The following POGLUT3 variants were observed in gnomAD, a reference collection of about 807,000 sequenced individuals.
POGLUT3 encodes protein O-glucosyltransferase 3.
POGLUT3 carries 48 observed loss-of-function variants against 54.3 expected under a neutral mutation model. The observed-to-expected ratio is 0.88, with a 90% CI of 0.70 to 1.12. POGLUT3 has a LOEUF of 1.12. Among genes scored for constraint, POGLUT3 ranks in the 50% most tolerant of loss-of-function variants. The pLI, the probability that POGLUT3 is intolerant of heterozygous loss-of-function variation, is 0.00. For synonymous variants in POGLUT3, 218 were observed against 237.4 expected (o/e 0.92, Z 0.75); for missense variants, 629 against 618.7 (o/e 1.02, Z -0.18).
At chr11:108,495,514 T>G (rs550964238) in intron 1 of POGLUT3, among the ~76,000 whole-genome samples, 31 of 152,140 alleles carry the variant, frequency 2.0e-4, no homozygotes, top group Non-Finnish European at 3.1e-4. Flanking sequence ...TGGAAGTGAA[T>G]GTTGGTGGCA....
chr11:108,479,612 T>C (rs1227729399), intron 5 of POGLUT3, 117 bp from the exon 6 acceptor site: 1 of 650,488 alleles, frequency 1.5e-6, no homozygotes, highest in African/African-American at 1.9e-5. Context: ...TCCAACTTTT[T>C]TGTGTTTAAA....
At chr11:108,484,775 A>G (rs1170064855) in intron 3 of POGLUT3, among the ~76,000 whole-genome samples, 3 of 151,932 alleles carry the variant, frequency 2.0e-5, no homozygotes, top group African/African-American at 7.3e-5. Flanking sequence ...AAACAAACAA[A>G]CAAACAAAAA....
chr11:108,485,755 T>C (rs1050609264), intron 3 of POGLUT3, among the ~76,000 whole-genome samples: 2 of 152,000 alleles, frequency 1.3e-5, no homozygotes, highest in African/African-American at 4.8e-5. Flanking sequence ...CCTCCTGGGT[T>C]CAAGGGATTC....
In POGLUT3 at chr11:108,491,004, A is replaced by C; in HGVS notation, c.366T>G (p.Asp122Glu). 1 of 1,614,080 alleles carries C rather than the reference A, an allele frequency of 6.2e-7. No individual in the cohort carries two copies. Among genetic ancestry groups the C allele is most frequent in the Non-Finnish European group, 8.5e-7 (1 of 1,179,952 alleles). Residue 122 changes from aspartate to glutamate, a missense_variant, in exon 2 of 8, where the codon GAT (aspartate) becomes GAG (glutamate). Physicochemically the swap from Asp to Glu is conservative, Grantham distance 45. Transcript: ENST00000323468. ...TATAGGGAGACTGAGCCACATGTTC[A>C]TCACCATAAAGGACCTCTATCTTCA... Reference protein sequence around the residue: ...EGLKIEVLYGDEHVAQSPYIL... With the variant: ...EGLKIEVLYGEEHVAQSPYIL...
rs11212675 is a variant in POGLUT3, at chr11:108,489,196, G to T, written c.400+1774C>A. On this transcript the variant is annotated intron_variant, in intron 2 of 7. Transcript: ENST00000323468. ...TACGAAATGAAACAAAGAGAAAAAA[G>T]AATTTAAAAAATGAAAAGGGTATCG... Among the ~76,000 whole-genome samples, 918 of 152,088 alleles carry T rather than the reference G, an allele frequency of 6.0e-3. 6 individuals carry two copies. The highest frequency in any genetic ancestry group is 9.8e-3 in the East Asian group (51 of 5,180).
At chr11:108,496,834 C>T (rs1407073902) in intron 1 of POGLUT3, among the ~76,000 whole-genome samples, 1 of 152,202 alleles carries the variant, frequency 6.6e-6, no homozygotes, top group Non-Finnish European at 1.5e-5. Flanking sequence ...GCATTCAAGG[C>T]GCTTGAAGAC....
chr11:108,492,366 T>C (rs1412339143), intron 1 of POGLUT3, among the ~76,000 whole-genome samples: 5 of 152,228 alleles, frequency 3.3e-5, no homozygotes, highest in African/African-American at 4.8e-5. Flanking sequence ...GCAGAGGATA[T>C]ACCATTTAGA....
At position 108,491,103 on chromosome 11, in the gene POGLUT3, G is replaced by C. The variant is rs754052374; in HGVS notation, c.267C>G (p.Val89=). The change falls in exon 2 of 8, where the codon GTC becomes GTG. Residue 89 remains valine (V), a synonymous_variant. Transcript: ENST00000323468. ...LSPKELVRIH[V]PKPLDRNDGT... is the part of the protein sequence containing the mutation. Reference sequence around the variant, plus strand: ...CATCATTCCTGTCCAAAGGTTTAGGGACATGTATCCGGACCAACTCTTTAG... The same window carrying C: ...CATCATTCCTGTCCAAAGGTTTAGGCACATGTATCCGGACCAACTCTTTAG... 1 of 1,613,686 alleles carries C rather than the reference G, an allele frequency of 6.2e-7. No individual in the cohort carries two copies. Among genetic ancestry groups the C allele is most frequent in the Non-Finnish European group, 8.5e-7 (1 of 1,179,862 alleles).
At chr11:108,493,535 G>A (rs1374012108) in intron 1 of POGLUT3, among the ~76,000 whole-genome samples, 1 of 152,148 alleles carries the variant, frequency 6.6e-6, no homozygotes, top group African/African-American at 2.4e-5. Context: ...GGCAGGCGTG[G>A]TGGCTCACGC....
At chr11:108,484,272 G>A (rs1015480287) in intron 3 of POGLUT3, among the ~76,000 whole-genome samples, 1 of 152,128 alleles carries the variant, frequency 6.6e-6, no homozygotes, top group Non-Finnish European at 1.5e-5. Flanking sequence ...AAGAATACAG[G>A]GCACAGTTGA....
intron 2 of POGLUT3, among the ~76,000 whole-genome samples, chr11:108,488,655 T>A (rs186065605): frequency 6.6e-6 from 1 of 152,360 alleles, no homozygotes. Flanking sequence ...GCATTTTGGA[T>A]GGGTTCTTCC....
At position 108,479,423 on chromosome 11, in the gene POGLUT3, G is replaced by C; in HGVS notation, c.1171C>G (p.Leu391Val). Residue 391 changes from leucine (L) to valine (V), a missense_variant, in exon 6 of 8, where the codon CTG becomes GTG. Coordinates refer to ENST00000323468, the MANE Select transcript of POGLUT3 (RefSeq NM_153705.5). ...TATGGCGAGTCCTGCTTTAAAACCA[G>C]ACTGTCGCCCAGCATGAGATATGGA... ...RYPYLMLGDS[L>V]VLKQDSPYYE... The C allele has an allele frequency of 1.9e-6, 3 of 1,613,052 alleles. No individual in the cohort carries two copies. The highest frequency in any genetic ancestry group is 1.3e-5 in the African/African-American group (1 of 75,016).
intron 1 of POGLUT3, among the ~76,000 whole-genome samples, chr11:108,496,783 C>G (rs1266548510): frequency 6.6e-6 from 1 of 152,212 alleles, no homozygotes; most frequent in East Asian, 1.9e-4. Flanking sequence ...TCAAATTTCT[C>G]CAGTGGCTCT....
chr11:108,497,262 A>G (rs919415737), intron 1 of POGLUT3, among the ~76,000 whole-genome samples: 3 of 152,196 alleles, frequency 2.0e-5, no homozygotes, highest in Admixed American at 2.0e-4. Context: ...CTAAAAGTGA[A>G]TTATGTTTGG....
At position 108,482,455 on chromosome 11, in the gene POGLUT3, T is replaced by C. The variant is rs186154624; in HGVS notation, c.685-233A>G. Among the ~76,000 whole-genome samples, 99 of 152,218 alleles carry C rather than the reference T, an allele frequency of 6.5e-4. 1 individual carries two copies. In the Middle Eastern group the frequency reaches 0.034, roughly 52 times the overall value. On this transcript the variant is annotated intron_variant, in intron 3 of 7. Transcript: ENST00000323468. ...AGCTACCTCTGTCCAGAGATGCATG[T>C]AAAATTCAGTGTTTGAGGCTGGGCG...
rs2093593790 is a variant in POGLUT3, at chr11:108,482,055, T to C, written c.852A>G (p.Glu284=). 6.2e-7 allele frequency: 1 copy of C among 1,614,008 alleles called. No individual in the cohort carries two copies. Among genetic ancestry groups the C allele is most frequent in the Non-Finnish European group, 8.5e-7 (1 of 1,180,022 alleles). The change falls in exon 4 of 8, where the codon GAA becomes GAG. Residue 284 remains glutamate (E), a synonymous_variant. Coordinates refer to ENST00000323468, the MANE Select transcript of POGLUT3 (RefSeq NM_153705.5). ...PTYDITHSML[E]AMRGVTNDLL... ...GATCATTTGTAACACCCCGCATGGCTTCAAGCATGGAGTGGGTGATGTCAT... is the reference window on the plus strand; with the variant it reads ...GATCATTTGTAACACCCCGCATGGCCTCAAGCATGGAGTGGGTGATGTCAT...
chr11:108,492,022 G>T (rs2093614254), intron 1 of POGLUT3, among the ~76,000 whole-genome samples: 2 of 151,908 alleles, frequency 1.3e-5, no homozygotes, highest in African/African-American at 2.4e-5. Flanking sequence ...GTACTTCTAA[G>T]GCCATTTCCT....
At chr11:108,489,112 T>C (rs1417745878) in intron 2 of POGLUT3, among the ~76,000 whole-genome samples, 2 of 152,112 alleles carry the variant, frequency 1.3e-5, no homozygotes, top group Non-Finnish European at 2.9e-5. Flanking sequence ...CTGTATAGGA[T>C]TGACAACAGA....
At chr11:108,496,226 C>A (rs945737228) in intron 1 of POGLUT3, among the ~76,000 whole-genome samples, 1 of 151,430 alleles carries the variant, frequency 6.6e-6, no homozygotes, top group African/African-American at 2.4e-5. Flanking sequence ...GAGACTGAGG[C>A]AAGAGGATCC....
Sources: allele counts gnomAD v4.1 joint callset (sites outside exome capture counted in the v4.1 genomes callset), GRCh38; gene constraint gnomAD v4.1.1; transcripts MANE v1.5; gene names NCBI Gene and HGNC (gene_info 2026-07-23, HGNC 2026-07-21).